ARID4B: variants seen among roughly 807,000 people sequenced by gnomAD.
ARID4B encodes the protein AT-rich interaction domain 4B.
In ARID4B, 26 loss-of-function variants were observed where a neutral mutation model predicts 147.5. The ratio of observed to expected loss-of-function variants is 0.18; its 90% CI spans 0.13 to 0.24. The LOEUF (loss-of-function observed/expected upper bound fraction) is 0.24, where lower values mean the gene tolerates loss of function less well. ARID4B is among the 10% of genes least tolerant of loss of function. The probability of loss-of-function intolerance (pLI) is 1.00; values close to 1 mark genes in which losing one functional copy is unlikely to be tolerated. For missense variants in ARID4B, 1,179 were observed against 1,511.5 expected (o/e 0.78, Z 3.65); for synonymous variants, 512 against 507.9 (o/e 1.01, Z -0.11).
chr1:235,219,507 T>C (rs1052919104), intron 16 of ARID4B, among the ~76,000 whole-genome samples: 1 of 152,212 alleles, frequency 6.6e-6, no homozygotes, highest in Non-Finnish European at 1.5e-5. Flanking sequence ...CAAGTTTATA[T>C]TATCAAGTAA....
chr1:235,177,951 T>G, intron 20 of ARID4B, 38 bp from the exon 21 acceptor site: 1 of 1,190,672 alleles, frequency 8.4e-7, no homozygotes, highest in Non-Finnish European at 1.2e-6. Flanking sequence ...CAAAATAAAA[T>G]CCAACATTCC....
chr1:235,204,906 C>G (rs934393846), intron 17 of ARID4B, among the ~76,000 whole-genome samples: 1 of 151,600 alleles, frequency 6.6e-6, no homozygotes, highest in Non-Finnish European at 1.5e-5. Context: ...CAACACATAA[C>G]TGAATTATCA....
intron 19 of ARID4B, among the ~76,000 whole-genome samples, chr1:235,184,286 G>A (rs2102930853): frequency 6.6e-6 from 1 of 152,018 alleles, no homozygotes; most frequent in South Asian, 2.1e-4. Flanking sequence ...ACTACATGCT[G>A]GTTACTTTTG....
intron 2 of ARID4B, chr1:235,326,711 G>A: frequency 1.6e-6 from 1 of 611,366 alleles, no homozygotes; most frequent in Non-Finnish European, 3.0e-6. Context: ...ATCATCTTCA[G>A]TTGAGACATC....
chr1:235,225,697 A>T (rs762486058), intron 11 of ARID4B, among the ~76,000 whole-genome samples: 1 of 152,244 alleles, frequency 6.6e-6, no homozygotes, highest in Non-Finnish European at 1.5e-5. Context: ...ACAGATTTGT[A>T]ACAGTAAAAG....
At position 235,232,505 on chromosome 1, in the gene ARID4B, C is replaced by T. The variant is rs566256287; in HGVS notation, c.666-1316G>A. Among the ~76,000 whole-genome samples, 19 of 151,404 alleles carry T rather than the reference C, an allele frequency of 1.3e-4. No individual in the cohort carries two copies. The South Asian group carries it at 1.7e-3, about 13-fold the overall frequency. On this transcript the variant is annotated intron_variant, in intron 9 of 23. Coordinates refer to ENST00000264183, the MANE Select transcript of ARID4B (RefSeq NM_016374.6). ...AACTGTAATCCCAACACTTTGGGGG[C>T]CAAAGTGGGCAGATCACTTGAACTC...
At chr1:235,305,717 A>G (rs2382569) in intron 2 of ARID4B, among the ~76,000 whole-genome samples, 70,776 of 151,966 alleles carry the variant, frequency 0.47, 16,811 homozygotes, top group South Asian at 0.6. Context: ...CCAGCACTTT[A>G]GGAGGCAGAG....
rs144849243 is a variant in ARID4B at position 235,182,455 on chromosome 1, G to A, written c.2464C>T (p.Arg822Cys). The change falls in exon 20 of 24, where the codon CGT becomes TGT. Residue 822 changes from arginine to cysteine, a missense_variant. Transcript: ENST00000264183. The part of the protein sequence containing the change: ...TDKSSKPQIK[R>C]GKRRYCNTEE... ...GTATTGCAATACCTTCTTTTACCACGTTTTATTTGTGGTTTTGAAGATTTA... is the reference window on the plus strand; with the variant it reads ...GTATTGCAATACCTTCTTTTACCACATTTTATTTGTGGTTTTGAAGATTTA... 7.9e-5 allele frequency: 127 copies of A among 1,611,790 alleles called. No individual in the cohort carries two copies. The highest frequency in any genetic ancestry group is 1.0e-4 in the Non-Finnish European group (120 of 1,179,606).
intron 17 of ARID4B, among the ~76,000 whole-genome samples, chr1:235,209,434 G>A (rs1666548734): frequency 6.6e-6 from 1 of 151,938 alleles, no homozygotes; most frequent in South Asian, 2.1e-4. Flanking sequence ...TCACGGCGCT[G>A]CACTCCAGCC....
At chr1:235,238,104 T>C (rs866983270) in intron 8 of ARID4B, among the ~76,000 whole-genome samples, 23 of 146,000 alleles carry the variant, frequency 1.6e-4, no homozygotes, top group African/African-American at 5.7e-4. Context: ...GATCGCACCA[T>C]TGCACTCCAG....
In ARID4B at chr1:235,182,251, G is replaced by A. The variant is rs763489427; in HGVS notation, c.2668C>T (p.Arg890Trp). The A allele has an allele frequency of 2.5e-6, 4 of 1,612,612 alleles. No individual in the cohort carries two copies. The African/African-American group carries it at 4.0e-5, about 16-fold the overall frequency. Residue 890 changes from arginine to tryptophan, a missense_variant, in exon 20 of 24, where the codon CGG becomes TGG. This residue lies in a region of ARID4B where 321 missense variants were observed against 342.4 expected (regional missense o/e 0.94). Coordinates refer to ENST00000264183, the MANE Select transcript of ARID4B (RefSeq NM_016374.6). ...NGLEEKRKSL[R>W]TTGFYSGFSE... ...AATCCTGAATAGAAACCAGTTGTCC[G>A]TAGAGATTTTCTTTTTTCCTCCAAA...
intron 2 of ARID4B, among the ~76,000 whole-genome samples, chr1:235,267,878 T>C (rs1009890247): frequency 2.6e-5 from 4 of 151,548 alleles, no homozygotes; most frequent in Non-Finnish European, 4.4e-5. Context: ...CACTCCAACC[T>C]GAGTGACGTG....
chr1:235,186,754 C>T (rs922789719), intron 19 of ARID4B, among the ~76,000 whole-genome samples: 1 of 150,572 alleles, frequency 6.6e-6, no homozygotes, highest in Non-Finnish European at 1.5e-5. Flanking sequence ...GAGACAGGGT[C>T]TCTCTCTGTT....
At position 235,216,091 on chromosome 1, in the gene ARID4B, G is replaced by A. The variant is rs548339626; in HGVS notation, c.1584-2065C>T. ...CCTTGTCCTTTTGTATAGTGGGGCA[G>A]GAGTGTTGGCAGGATGTTTAATGGA... On this transcript the variant is annotated intron_variant, in intron 16 of 23. Transcript: ENST00000264183. Among the ~76,000 whole-genome samples, 193 of 152,124 alleles carry A rather than the reference G, an allele frequency of 1.3e-3. 1 individual carries two copies. Among genetic ancestry groups the A allele is most frequent in the African/African-American group, 4.6e-3 (189 of 41,502 alleles).
chr1:235,255,277 C>CTG (rs1669905657), intron 5 of ARID4B, among the ~76,000 whole-genome samples: 1 of 130,524 alleles, frequency 7.7e-6, no homozygotes, highest in Non-Finnish European at 1.8e-5. Context: ...ATATCTCTCT[C>CTG]TCTCTCTCTC....
intron 2 of ARID4B, among the ~76,000 whole-genome samples, chr1:235,318,058 G>A (rs1302190011): frequency 6.7e-6 from 1 of 149,410 alleles, no homozygotes; most frequent in Non-Finnish European, 1.5e-5. Context: ...CAAAAAAGCA[G>A]AAATAACCCA....
chr1:235,321,592 G>A (rs771652948), intron 2 of ARID4B, among the ~76,000 whole-genome samples: 12 of 150,842 alleles, frequency 8.0e-5, no homozygotes, highest in African/African-American at 1.7e-4. Flanking sequence ...TGCAAGCTCC[G>A]CCTCCCAGGT....
chr1:235,184,128 T>C (rs1350199216), intron 19 of ARID4B, among the ~76,000 whole-genome samples: 1 of 152,200 alleles, frequency 6.6e-6, no homozygotes, highest in Admixed American at 6.5e-5. Flanking sequence ...TTGTAATCAA[T>C]GATTTCCATG....
In ARID4B at chr1:235,182,711, A is replaced by C; in HGVS notation, c.2208T>G (p.Ser736=). 6.2e-7 allele frequency: 1 copy of C among 1,613,710 alleles called. No individual in the cohort carries two copies. Among genetic ancestry groups the C allele is most frequent in the Non-Finnish European group, 8.5e-7 (1 of 1,179,992 alleles). The change falls in exon 20 of 24, where the codon TCT becomes TCG. Residue 736 remains serine (S), a synonymous_variant. Coordinates refer to ENST00000264183, the MANE Select transcript of ARID4B (RefSeq NM_016374.6). ...QDMDNNGKEE[S]KIDHLTNNRN... is the part of the protein sequence containing the mutation. ...TGTTGTTGGTCAAATGATCAATCTT[A>C]GATTCCTCTTTGCCATTATTATCCA...
Sources: gnomAD v4.1 joint callset for allele counts (sites outside exome capture counted in the v4.1 genomes callset) on GRCh38, gnomAD v4.1.1 for gene constraint, gnomAD v4.1.1 regional missense constraint, MANE v1.5 for transcripts, NCBI Gene and HGNC (gene_info 2026-07-23, HGNC 2026-07-21) for gene names.